Variants in AMN1 observed in about 807,000 individuals in gnomAD.
AMN1 encodes protein AMN1 homolog.
In AMN1, 20 loss-of-function variants were observed where a neutral mutation model predicts 33.0. The ratio of observed to expected loss-of-function variants is 0.61; its 90% CI spans 0.43 to 0.88. AMN1 has a LOEUF of 0.88. Among genes scored for constraint, AMN1 ranks in the 40% least tolerant of loss-of-function variants. The pLI is 0.00. For missense variants in AMN1, 246 were observed against 307.4 expected, an observed-to-expected ratio of 0.80 and a Z score of 1.49; for synonymous variants, 114 against 111.9, an observed-to-expected ratio of 1.02 and a Z score of -0.12.
chr12:31,713,745 G>A (rs541185884), intron 1 of AMN1, among the ~76,000 whole-genome samples: 1 of 152,214 alleles, frequency 6.6e-6, no homozygotes, highest in East Asian at 1.9e-4. Context: ...GGGTGCGGGG[G>A]TGCTGAGGTG....
At chr12:31,710,315 T>G (rs1939416466) in intron 1 of AMN1, among the ~76,000 whole-genome samples, 1 of 152,202 alleles carries the variant, frequency 6.6e-6, no homozygotes, top group Non-Finnish European at 1.5e-5. Flanking sequence ...AACTCATACT[T>G]TAAAGAAACA....
intron 1 of AMN1, among the ~76,000 whole-genome samples, chr12:31,716,083 G>A (rs912399347): frequency 6.6e-6 from 1 of 152,160 alleles, no homozygotes; most frequent in Non-Finnish European, 1.5e-5. Flanking sequence ...AGACTATTCT[G>A]TTTGATTTCA....
intron 6 of AMN1, among the ~76,000 whole-genome samples, chr12:31,688,530 G>A (rs1358313386): frequency 6.6e-6 from 1 of 152,150 alleles, no homozygotes; most frequent in Non-Finnish European, 1.5e-5. Context: ...GTCAGAGGCC[G>A]GGCGCGGCAG....
At chr12:31,698,276 C>T (rs184240745) in intron 3 of AMN1, among the ~76,000 whole-genome samples, 1 of 152,278 alleles carries the variant, frequency 6.6e-6, no homozygotes, top group Admixed American at 6.5e-5. Flanking sequence ...AGGCGATTCT[C>T]CTTTTGGTTA....
At chr12:31,675,806 C>T (rs1937670813) in intron 6 of AMN1, among the ~76,000 whole-genome samples, 1 of 151,738 alleles carries the variant, frequency 6.6e-6, no homozygotes, top group African/African-American at 2.4e-5. Flanking sequence ...CGTTACCCGC[C>T]AGGATGTCCA....
intron 6 of AMN1, among the ~76,000 whole-genome samples, chr12:31,676,175 T>C (rs925883207): frequency 3.3e-5 from 5 of 151,690 alleles, no homozygotes; most frequent in African/African-American, 4.9e-5. Context: ...TAAGACTTTA[T>C]TGAAAGAAAT....
rs535205885 is a variant in AMN1, at chr12:31,672,240, A to AGAT, written c.*61_*63dup. ...CATTAAGTAGAATGCAAATCTCTAT[A>AGAT]GATGGTTTCCTGGGAAAGTAGTTTT... On this transcript the variant is annotated 3_prime_UTR_variant, in exon 7 of 7. Coordinates refer to ENST00000281471, the MANE Select transcript of AMN1 (RefSeq NM_001113402.2). 9.1e-5 allele frequency: 100 copies of AGAT among 1,100,800 alleles called. No homozygotes were observed. The African/African-American group carries it at 1.4e-3, about 16-fold the overall frequency. The allele number at this position is 1,100,800 out of a possible 1,614,324, so 68.2% of individuals were successfully genotyped here. A position where few individuals can be genotyped will look rare whatever the true frequency, so the allele number is the denominator to read the frequency against.
chr12:31,684,915 C>A (rs2139665250), intron 6 of AMN1, among the ~76,000 whole-genome samples: 1 of 151,994 alleles, frequency 6.6e-6, no homozygotes, highest in South Asian at 2.1e-4. Flanking sequence ...AAGGTAAAAC[C>A]AATAGAATTG....
chr12:31,723,195 G>GC, intron 1 of AMN1, among the ~76,000 whole-genome samples: 1 of 151,938 alleles, frequency 6.6e-6, no homozygotes, highest in Non-Finnish European at 1.5e-5. Context: ...TTGGAACACT[G>GC]CCTTTGACTG....
rs527795683 is a variant in AMN1 at position 31,715,572 on chromosome 12, G to A, written c.39-6147C>T. On this transcript the variant is annotated intron_variant, in intron 1 of 6. Coordinates refer to ENST00000281471, the MANE Select transcript of AMN1 (RefSeq NM_001113402.2). ...TCCTGCTCTCATTTTTCAGCAAGCT[G>A]CTTCAAGGCCTCAGCTTCGCAGGGC... 1.2e-3 allele frequency: 191 copies of A among 162,700 alleles called. 1 individual carries two copies. The highest frequency in any genetic ancestry group is 1.2e-3 in the Non-Finnish European group (89 of 71,992). 10.1% of individuals were successfully genotyped at this position (162,700 alleles called of 1,614,324 possible).
At chr12:31,707,690 T>G (rs1443604021) in intron 2 of AMN1, among the ~76,000 whole-genome samples, 1 of 152,186 alleles carries the variant, frequency 6.6e-6, no homozygotes, top group Non-Finnish European at 1.5e-5. Context: ...CTGTGTTCCT[T>G]GAATTCAATT....
chr12:31,722,362 A>G (rs1939910325), intron 1 of AMN1, among the ~76,000 whole-genome samples: 1 of 152,186 alleles, frequency 6.6e-6, no homozygotes, highest in Non-Finnish European at 1.5e-5. Context: ...CAATGAGCCA[A>G]TAAGTCAAGG....
intron 2 of AMN1, among the ~76,000 whole-genome samples, chr12:31,705,827 T>C (rs1349078099): frequency 6.6e-6 from 1 of 152,126 alleles, no homozygotes; most frequent in African/African-American, 2.4e-5. Flanking sequence ...ACCAAACACT[T>C]TGATCTATCA....
intron 5 of AMN1, among the ~76,000 whole-genome samples, chr12:31,689,587 A>C (rs758022010): frequency 3.9e-5 from 6 of 152,210 alleles, no homozygotes; most frequent in Non-Finnish European, 7.3e-5. Context: ...ACAGTATGGT[A>C]GTATCTTATA....
intron 1 of AMN1, among the ~76,000 whole-genome samples, chr12:31,718,238 C>G (rs939290341): frequency 1.4e-4 from 21 of 151,816 alleles, no homozygotes; most frequent in African/African-American, 5.1e-4. Flanking sequence ...TCATGAAGTT[C>G]TCATGCTGTG....
intron 1 of AMN1, chr12:31,714,557 G>C (rs1223433911): frequency 6.6e-6 from 1 of 152,216 alleles, no homozygotes; most frequent in East Asian, 1.9e-4. Context: ...TGAACTCCTG[G>C]GCTGAAGTGA....
rs954015207 is a variant in AMN1, at chr12:31,723,635, C to T, written c.38+5336G>A. 4.6e-5 allele frequency among the ~76,000 whole-genome samples: 7 copies of T among 152,130 alleles called. No homozygotes were observed. In the South Asian group the frequency reaches 8.3e-4, roughly 18 times the overall value. The stretch of plus-strand genomic sequence containing the variant: ...CTGCAAAGGTTGCTCAACAATGAGC[C>T]GATAGTCAAGGTATTCAACAGATGT... On this transcript the variant is annotated intron_variant, in intron 1 of 6. Transcript: ENST00000281471.
chr12:31,675,507 T>G (rs868369829), intron 6 of AMN1, among the ~76,000 whole-genome samples: 7 of 151,832 alleles, frequency 4.6e-5, no homozygotes, highest in African/African-American at 1.5e-4. Context: ...ACACTTTTTT[T>G]TTTTTTTGAG....
At chr12:31,727,682 A>G (rs1940132321) in intron 1 of AMN1, among the ~76,000 whole-genome samples, 1 of 152,162 alleles carries the variant, frequency 6.6e-6, no homozygotes, top group African/African-American at 2.4e-5. Context: ...AGAAATTTCA[A>G]AAGTTTGTTA....
Sources: allele counts gnomAD v4.1 joint callset (sites outside exome capture counted in the v4.1 genomes callset), GRCh38; gene constraint gnomAD v4.1.1; transcripts MANE v1.5; gene names NCBI Gene and HGNC (gene_info 2026-07-23, HGNC 2026-07-21).